The following MAPKBP1 variants were observed in gnomAD, a reference collection of about 807,000 sequenced individuals.
The protein encoded by MAPKBP1 is mitogen-activated protein kinase-binding protein 1.
Under a neutral mutation model 170.5 loss-of-function variants are expected in MAPKBP1, and 71 were observed. That is an observed-to-expected ratio of 0.42 (90% CI 0.34 to 0.51). The LOEUF (loss-of-function observed/expected upper bound fraction) is 0.51, where lower values mean the gene tolerates loss of function less well. MAPKBP1 is among the 20% of genes least tolerant of loss of function. The pLI is 0.06. For synonymous variants in MAPKBP1, 719 were observed against 757.9 expected, an observed-to-expected ratio of 0.95 and a Z score of 0.84; for missense variants, 1,598 against 1,933.0, an observed-to-expected ratio of 0.83 and a Z score of 3.25.
At chr15:41,807,397 G>A (rs954898478) in intron 3 of MAPKBP1, among the ~76,000 whole-genome samples, 9 of 152,222 alleles carry the variant, frequency 5.9e-5, no homozygotes, top group African/African-American at 2.2e-4. Context: ...TTTGGGATGA[G>A]AATTAAGGGA....
chr15:41,794,223 C>G (rs2064445578), intron 2 of MAPKBP1, among the ~76,000 whole-genome samples: 1 of 152,142 alleles, frequency 6.6e-6, no homozygotes, highest in African/African-American at 2.4e-5. Context: ...CAGAGCAAGA[C>G]TTGTCTCAAA....
intron 5 of MAPKBP1, 76 bp from the exon 6 acceptor site, chr15:41,811,881 C>T (rs879070269): frequency 1.6e-5 from 25 of 1,517,784 alleles, no homozygotes; most frequent in African/African-American, 8.2e-5. Context: ...GCGAGGGCCC[C>T]GCTCTGGAAG....
rs1029906152 is a variant in MAPKBP1, at chr15:41,819,349, G to A, written c.2395G>A (p.Val799Ile). The A allele has an allele frequency of 9.3e-6, 15 of 1,614,066 alleles. No individual in the cohort carries two copies. Among genetic ancestry groups the A allele is most frequent in the South Asian group, 8.8e-5 (8 of 91,088 alleles). Reference protein sequence around the residue: ...GTEEELPALPVLAKSTKKALA... With the variant: ...GTEEELPALPILAKSTKKALA... ...TGAAGAAGAACTTCCAGCACTGCCCGTCCTTGCCAAGAGTACCAAGAAGGC... is the reference window on the plus strand; with the variant it reads ...TGAAGAAGAACTTCCAGCACTGCCCATCCTTGCCAAGAGTACCAAGAAGGC... The change falls in exon 21 of 31, where the codon GTC becomes ATC. Residue 799 changes from valine to isoleucine, a missense_variant. Val to Ile is a conservative substitution (Grantham distance 29). Around this residue, in one of 6 missense-constraint regions of MAPKBP1, gnomAD observed 942 missense variants for 953.2 expected, o/e 0.99. Coordinates refer to ENST00000457542, the MANE Select transcript of MAPKBP1 (RefSeq NM_014994.3).
chr15:41,775,762 G>A (rs2064088173), intron 2 of MAPKBP1, among the ~76,000 whole-genome samples: 1 of 152,224 alleles, frequency 6.6e-6, no homozygotes, highest in African/African-American at 2.4e-5. Context: ...TGTAGCTGCA[G>A]GTGTTAACGT....
rs769201973 is a variant in MAPKBP1 at position 41,823,238 on chromosome 15, G to T, written c.3598+16G>T. 1.2e-6 allele frequency: 2 copies of T among 1,609,674 alleles called. No homozygotes were observed. Among genetic ancestry groups the T allele is most frequent in the African/African-American group, 1.3e-5 (1 of 74,998 alleles). Reference sequence around the variant, plus strand: ...GTGCCACAGGGTGAGAAGCCTGATGGGTTCAGTGCCAGGGTGCAGGGTGTA... The same window carrying T: ...GTGCCACAGGGTGAGAAGCCTGATGTGTTCAGTGCCAGGGTGCAGGGTGTA... On this transcript the variant is annotated intron_variant, in intron 28 of 30. Coordinates refer to ENST00000457542, the MANE Select transcript of MAPKBP1 (RefSeq NM_014994.3).
rs1244237249 is a variant in MAPKBP1 at position 41,823,043 on chromosome 15, G to C, written c.3419G>C (p.Gly1140Ala). ...AGAGGCAATGGTGCCAATCCCCCTG[G>C]AGCACCCCCGGAGGTGGAACCGTCC... ...QPRGNGANPP[G>A]APPEVEPSSG... The change falls in exon 28 of 31, where the codon GGA becomes GCA. Residue 1140 changes from glycine (G) to alanine (A), a missense_variant. This residue lies in a region of MAPKBP1 where 942 missense variants were observed against 953.2 expected (regional missense o/e 0.99). Transcript: ENST00000457542. 2 of 1,613,678 alleles carry C rather than the reference G, an allele frequency of 1.2e-6. No individual in the cohort carries two copies. The highest frequency in any genetic ancestry group is 1.1e-5 in the South Asian group (1 of 91,076).
At chr15:41,774,859 A>C in intron 1 of MAPKBP1, 1 of 417,048 alleles carries the variant, frequency 2.4e-6, no homozygotes, top group Non-Finnish European at 4.2e-6. Context: ...TCCCTTGGAC[A>C]CTACAGTTGC....
chr15:41,803,015 G>C lies in MAPKBP1; in HGVS notation c.206+3101G>C, dbSNP rs73408954. ...AAATGTTATTATGTGACGTATGACT[G>C]TACTTATTCTATGCCAGGTACTTTT... On this transcript the variant is annotated intron_variant, in intron 3 of 30. Transcript: ENST00000457542. 7.4e-3 allele frequency among the ~76,000 whole-genome samples: 1,120 copies of C among 152,228 alleles called. 18 individuals are homozygous for C. The highest frequency in any genetic ancestry group is 0.026 in the African/African-American group (1,077 of 41,524).
chr15:41,792,981 T>C (rs2064420804), intron 2 of MAPKBP1, among the ~76,000 whole-genome samples: 1 of 152,082 alleles, frequency 6.6e-6, no homozygotes, highest in Non-Finnish European at 1.5e-5. Context: ...GTCCATGATG[T>C]CCTGTTTCCA....
chr15:41,796,062 C>T (rs772296549), intron 2 of MAPKBP1, among the ~76,000 whole-genome samples: 13 of 152,198 alleles, frequency 8.5e-5, no homozygotes, highest in South Asian at 2.1e-4. Context: ...TAAATAGTTA[C>T]AGGCTCTCTG....
At chr15:41,811,593 G>T in intron 5 of MAPKBP1, 1 of 612,748 alleles carries the variant, frequency 1.6e-6, no homozygotes, top group East Asian at 3.5e-5. Context: ...GGGGCCCCCT[G>T]CTGGGCTCAG....
At chr15:41,805,509 C>A (rs1178297958) in intron 3 of MAPKBP1, among the ~76,000 whole-genome samples, 1 of 152,216 alleles carries the variant, frequency 6.6e-6, no homozygotes, top group Non-Finnish European at 1.5e-5. Flanking sequence ...CTGCTCCTCT[C>A]CCGCTGGGAT....
intron 23 of MAPKBP1, 169 bp from the exon 24 acceptor site, chr15:41,821,415 A>C (rs971304384): frequency 4.6e-6 from 3 of 656,446 alleles, no homozygotes; most frequent in Non-Finnish European, 7.9e-6. Flanking sequence ...TGGCTTCTCG[A>C]TGTCTGTCCT....
chr15:41,786,777 A>AAAAT lies in MAPKBP1; in HGVS notation c.114+11389_114+11390insAATA. On this transcript the variant is annotated intron_variant, in intron 2 of 30. Coordinates refer to ENST00000457542, the MANE Select transcript of MAPKBP1 (RefSeq NM_014994.3). ...CAGACTCCGTCTAAAAAAAAAAAAA[A>AAAAT]ATATATATATATATATATATATATA... Among the ~76,000 whole-genome samples the AAAAT allele has an allele frequency of 7.7e-4, 25 of 32,446 alleles. 1 individual carries two copies. Among genetic ancestry groups the AAAAT allele is most frequent in the East Asian group, 4.7e-3 (6 of 1,276 alleles). The allele number at this position is 32,446 out of a possible 152,430, so 21.3% of individuals were successfully genotyped here.
rs2065122271 is a variant in MAPKBP1 at position 41,827,235 on chromosome 15, G to GGTGGAA, written c.*1801_*1802insGGAAGT. Reference sequence around the variant, plus strand: ...CTTGAACCCTGGAGGTGGAGGTGGAGGTTGCAGTGAGCCGAGATCGCGCCA... The same window carrying GGTGGAA: ...CTTGAACCCTGGAGGTGGAGGTGGAGGTGGAAGTTGCAGTGAGCCGAGATCGCGCCA... On this transcript the variant is annotated 3_prime_UTR_variant, in exon 31 of 31. Transcript: ENST00000457542. The GGTGGAA allele has an allele frequency of 6.6e-6, 1 of 152,108 alleles. No homozygotes were observed. Among genetic ancestry groups the GGTGGAA allele is most frequent in the African/African-American group, 2.4e-5 (1 of 41,380 alleles). 9.4% of individuals were successfully genotyped at this position (152,108 alleles called of 1,614,324 possible). A position where few individuals can be genotyped will look rare whatever the true frequency, so the allele number is the denominator to read the frequency against.
chr15:41,786,597 T>A (rs887593927), intron 2 of MAPKBP1, among the ~76,000 whole-genome samples: 1 of 150,434 alleles, frequency 6.6e-6, no homozygotes, highest in Non-Finnish European at 1.5e-5. Context: ...ACCCCGTCTC[T>A]ACTAAAAATA....
intron 2 of MAPKBP1, among the ~76,000 whole-genome samples, chr15:41,788,127 T>C (rs1188978974): frequency 6.6e-6 from 1 of 151,984 alleles, no homozygotes. Context: ...CCGGCTAATT[T>C]TTGTATTCTT....
chr15:41,817,606 C>A lies in MAPKBP1; in HGVS notation c.1783-8C>A. ...GTGTGGGCCTGCCCACATGCTCCAC[C>A]CCTGCAGTCTGGAGATGGAGTGCAG... On this transcript the variant is annotated splice_region_variant and splice_polypyrimidine_tract_variant and intron_variant, in intron 15 of 30. Coordinates refer to ENST00000457542, the MANE Select transcript of MAPKBP1 (RefSeq NM_014994.3). The surrounding 1 kb of genome is among the most constrained non-coding windows in gnomAD (Gnocchi z 4.2). The A allele has an allele frequency of 6.2e-7, 1 of 1,614,136 alleles. No homozygotes were observed. The highest frequency in any genetic ancestry group is 8.5e-7 in the Non-Finnish European group (1 of 1,180,012).
At chr15:41,786,777 A>AAAAAAAAAATATATATATAT in intron 2 of MAPKBP1, among the ~76,000 whole-genome samples, 6 of 32,438 alleles carry the variant, frequency 1.8e-4, no homozygotes, top group Non-Finnish European at 3.3e-4. Context: ...AAAAAAAAAA[A>AAAAAAAAAATATATATATAT]ATATATATAT....
Sources: allele counts gnomAD v4.1 joint callset (sites outside exome capture counted in the v4.1 genomes callset), GRCh38; gene constraint gnomAD v4.1.1; regional missense constraint gnomAD v4.1.1; non-coding constraint Gnocchi (gnomAD v3.1); transcripts MANE v1.5; gene names NCBI Gene and HGNC (gene_info 2026-07-23, HGNC 2026-07-21).